The following SIN3A variants were observed in gnomAD, a reference collection of about 807,000 sequenced individuals.
SIN3A encodes paired amphipathic helix protein Sin3a.
In SIN3A, 14 loss-of-function variants were observed where a neutral mutation model predicts 146.1. The ratio of observed to expected loss-of-function variants is 0.10; its 90% confidence interval spans 0.06 to 0.15. The LOEUF (loss-of-function observed/expected upper bound fraction) is 0.15, where lower values mean the gene tolerates loss of function less well. SIN3A is among the 10% of genes least tolerant of loss of function. The probability of loss-of-function intolerance (pLI) is 1.00; values close to 1 mark genes in which losing one functional copy is unlikely to be tolerated. For missense variants in SIN3A, 1,028 were observed against 1,576.0 expected (o/e 0.65, Z 5.89); for synonymous variants, 572 against 572.0 (o/e 1.00, Z 0.00).
chr15:75,389,656 C>T lies in SIN3A; in HGVS notation c.3017G>A (p.Arg1006Lys). ...TMDKLIQSIV[R>K]QLQHIVSDEI... ...TAGCCTCCTCCATGCCCTCACCTGT[C>T]TGACAATGCTCTGGATCAGTTTGTC... Residue 1006 changes from arginine to lysine, a missense_variant, in exon 16 of 21, where the codon AGA (arginine) becomes AAA (lysine). Around this residue, in one of 9 missense-constraint regions of SIN3A, gnomAD observed 488 missense variants for 690.2 expected, o/e 0.71. Coordinates refer to ENST00000394947, the MANE Select transcript of SIN3A (RefSeq NM_001145358.2). 3 of 1,614,084 alleles carry T rather than the reference C, an allele frequency of 1.9e-6. No homozygotes were observed. Among genetic ancestry groups the T allele is most frequent in the Non-Finnish European group, 1.7e-6 (2 of 1,179,964 alleles).
At chr15:75,398,955 G>A (rs527681392) in intron 12 of SIN3A, among the ~76,000 whole-genome samples, 144 of 151,704 alleles carry the variant, frequency 9.5e-4, no homozygotes, top group Admixed American at 3.0e-3. Flanking sequence ...GTTGATAGGT[G>A]CAGCAAACCA....
At chr15:75,431,664 AT>A (rs1003339853) in intron 1 of SIN3A, among the ~76,000 whole-genome samples, 1 of 147,056 alleles carries the variant, frequency 6.8e-6, no homozygotes, top group Non-Finnish European at 1.5e-5. Context: ...AAAAAAAAAA[AT>A]CTTTACCTAA....
chr15:75,381,788 G>T, intron 17 of SIN3A, 83 bp from the exon 18 acceptor site: 1 of 1,161,992 alleles, frequency 8.6e-7, no homozygotes, highest in South Asian at 1.3e-5. Context: ...AGGTGCAGAG[G>T]CAATAAACTT....
At position 75,372,132 on chromosome 15, in the gene SIN3A, G is replaced by C. The variant is rs764285567; in HGVS notation, c.3669C>G (p.Pro1223=). 4 of 1,613,988 alleles carry C rather than the reference G, an allele frequency of 2.5e-6. No homozygotes were observed. The Admixed American group carries it at 6.7e-5, about 27-fold the overall frequency. ...WVDKWTKEHV[P]REMAAETSKW... ...TGCTGGTCTCTGCTGCCATTTCACG[G>C]GGCACATGCTCCTTGGTCCATTTAT... Residue 1223 remains proline (P), a synonymous_variant, in exon 21 of 21, where the codon CCC becomes CCG. Transcript: ENST00000394947.
intron 16 of SIN3A, among the ~76,000 whole-genome samples, chr15:75,389,387 T>TA (rs769759710): frequency 1.3e-5 from 2 of 151,748 alleles, no homozygotes; most frequent in Non-Finnish European, 2.9e-5. Context: ...AGGTAAGAGA[T>TA]AGACAAGTTG....
chr15:75,431,887 G>A (rs2074019339), intron 1 of SIN3A, among the ~76,000 whole-genome samples: 1 of 152,130 alleles, frequency 6.6e-6, no homozygotes, highest in African/African-American at 2.4e-5. Flanking sequence ...CCCTGACACA[G>A]CAGCACAACC....
At chr15:75,398,986 T>C (rs2073356174) in intron 12 of SIN3A, among the ~76,000 whole-genome samples, 1 of 151,224 alleles carries the variant, frequency 6.6e-6, no homozygotes, top group Admixed American at 6.6e-5. Flanking sequence ...TGTATATCTA[T>C]GTAACAAACC....
intron 20 of SIN3A, 64 bp from the exon 21 acceptor site, chr15:75,372,273 C>T (rs899700054): frequency 1.8e-6 from 2 of 1,113,266 alleles, no homozygotes; most frequent in Non-Finnish European, 2.6e-6. Context: ...CCTTCAAATA[C>T]AAAGCCTAAT....
At chr15:75,401,294 G>C (rs11631052) in intron 10 of SIN3A, among the ~76,000 whole-genome samples, 52,971 of 151,920 alleles carry the variant, frequency 0.35, 10,532 homozygotes, top group African/African-American at 0.53. Flanking sequence ...TTGGGAGGCC[G>C]AGGCAGGTGG....
intron 2 of SIN3A, among the ~76,000 whole-genome samples, chr15:75,424,152 G>A (rs1043501025): frequency 2.6e-5 from 4 of 152,086 alleles, no homozygotes; most frequent in Admixed American, 2.6e-4. Context: ...ACATAAACCC[G>A]CCGGGCGTGG....
intron 4 of SIN3A, 109 bp downstream of exon 4, chr15:75,414,096 C>T (rs1433516937): frequency 1.1e-5 from 5 of 469,974 alleles, no homozygotes; most frequent in Non-Finnish European, 1.8e-5. Context: ...TTTGAAAATT[C>T]AGCTGCAAAA....
At chr15:75,424,899 T>C (rs1224394133) in intron 2 of SIN3A, among the ~76,000 whole-genome samples, 1 of 152,252 alleles carries the variant, frequency 6.6e-6, no homozygotes, top group Non-Finnish European at 1.5e-5. Context: ...TAGCCATTTT[T>C]AAGCCACACT....
chr15:75,425,824 C>T lies in SIN3A; in HGVS notation c.190-3001G>A, dbSNP rs942891001. 7.2e-5 allele frequency among the ~76,000 whole-genome samples: 11 copies of T among 152,102 alleles called. No homozygotes were observed. In the East Asian group the frequency reaches 7.7e-4, roughly 11 times the overall value. Reference sequence around the variant, plus strand: ...TCTCTAAACAATGTTAAGTTTTATACCACAATTTAAGAGAGAATAAAACTT... The same window carrying T: ...TCTCTAAACAATGTTAAGTTTTATATCACAATTTAAGAGAGAATAAAACTT... On this transcript the variant is annotated intron_variant, in intron 2 of 20. Transcript: ENST00000394947.
Position 75,371,826 on chromosome 15 carries a change from G to C in SIN3A, c.*153C>G, listed in dbSNP as rs2072756580. The C allele has an allele frequency of 1.5e-6, 1 of 655,376 alleles. No homozygotes were observed. The highest frequency in any genetic ancestry group is 2.8e-5 in the East Asian group (1 of 35,906). 40.6% of individuals were successfully genotyped at this position (655,376 alleles called of 1,614,324 possible). On this transcript the variant is annotated 3_prime_UTR_variant, in exon 21 of 21. Coordinates refer to ENST00000394947, the MANE Select transcript of SIN3A (RefSeq NM_001145358.2). ...CTAACAGGTAGCCCACTTGGTGCCA[G>C]GCTGCACCAGCCACACACAGGTCAG...
At chr15:75,373,185 T>C (rs2072785712) in intron 20 of SIN3A, among the ~76,000 whole-genome samples, 1 of 151,974 alleles carries the variant, frequency 6.6e-6, no homozygotes, top group African/African-American at 2.4e-5. Context: ...TCCCAAATAA[T>C]GTGAATCAGA....
intron 2 of SIN3A, among the ~76,000 whole-genome samples, chr15:75,428,638 C>T (rs767507354): frequency 1.3e-5 from 2 of 152,154 alleles, no homozygotes; most frequent in African/African-American, 2.4e-5. Flanking sequence ...TAGCTAGGAA[C>T]ACAAGTGTGC....
At chr15:75,415,010 G>C (rs2073707226) in intron 3 of SIN3A, among the ~76,000 whole-genome samples, 2 of 152,336 alleles carry the variant, frequency 1.3e-5, no homozygotes, top group South Asian at 4.1e-4. Flanking sequence ...GCAGGATCTA[G>C]ATTCTGAAAG....
At chr15:75,452,982 T>G (rs2074433394), upstream of SIN3A, 1 of 152,282 alleles carries the variant, frequency 6.6e-6, no homozygotes, top group Non-Finnish European at 1.5e-5. Context: ...CCTAGTTTGC[T>G]TTTATTTATT....
intron 17 of SIN3A, among the ~76,000 whole-genome samples, chr15:75,383,024 T>C (rs945419492): frequency 6.6e-6 from 1 of 151,662 alleles, no homozygotes; most frequent in Non-Finnish European, 1.5e-5. Context: ...GAGGCGGAGG[T>C]TGCAGTGAGC....
Sources: allele counts gnomAD v4.1 joint callset (sites outside exome capture counted in the v4.1 genomes callset), GRCh38; gene constraint gnomAD v4.1.1; regional missense constraint gnomAD v4.1.1; transcripts MANE v1.5; gene names NCBI Gene and HGNC (gene_info 2026-07-23, HGNC 2026-07-21).